Variants in FCHSD2 observed in about 807,000 individuals in gnomAD.
FCHSD2 encodes FCH and double SH3 domains 2, also known as F-BAR and double SH3 domains protein 2.
FCHSD2 carries 38 observed loss-of-function variants against 108.1 expected under a neutral mutation model. That is an observed-to-expected ratio of 0.35 (90% confidence interval 0.27 to 0.46). The LOEUF (loss-of-function observed/expected upper bound fraction) is 0.46, where lower values mean the gene tolerates loss of function less well. Ranked by LOEUF, FCHSD2 falls within the 20% of genes least tolerant of loss-of-function variation. The pLI, the probability that FCHSD2 is intolerant of heterozygous loss-of-function variation, is 1.00. For synonymous variants in FCHSD2, 279 were observed against 314.7 expected (o/e 0.89, Z 1.20); for missense variants, 751 against 897.8 (o/e 0.84, Z 2.09).
intron 3 of FCHSD2, among the ~76,000 whole-genome samples, chr11:73,022,907 T>C (rs1339521899): frequency 6.6e-6 from 1 of 152,058 alleles, no homozygotes; most frequent in Non-Finnish European, 1.5e-5. Flanking sequence ...AGTAAACTGA[T>C]TTTTCACAAA....
chr11:72,998,880 A>T (rs897179654), intron 5 of FCHSD2, among the ~76,000 whole-genome samples: 4 of 152,182 alleles, frequency 2.6e-5, no homozygotes, highest in African/African-American at 9.7e-5. Context: ...GGGAATGCCA[A>T]ATGATGCAGC....
chr11:73,018,739 A>G (rs1858029270), intron 3 of FCHSD2, among the ~76,000 whole-genome samples: 1 of 152,130 alleles, frequency 6.6e-6, no homozygotes, highest in Non-Finnish European at 1.5e-5. Context: ...AAATTTTTTA[A>G]TAACTGTATC....
At chr11:72,911,715 G>A (rs1328803946) in intron 9 of FCHSD2, among the ~76,000 whole-genome samples, 2 of 151,676 alleles carry the variant, frequency 1.3e-5, no homozygotes, top group Non-Finnish European at 2.9e-5. Flanking sequence ...TAGGGTACAT[G>A]TGCACAATGT....
intron 3 of FCHSD2, among the ~76,000 whole-genome samples, chr11:73,025,301 T>C (rs896344103): frequency 2.0e-5 from 3 of 152,198 alleles, no homozygotes; most frequent in Non-Finnish European, 2.9e-5. Context: ...TGGAGTACTA[T>C]GCAGCCACAA....
At chr11:72,941,113 T>C (rs946195701) in intron 8 of FCHSD2, 8 of 510,450 alleles carry the variant, frequency 1.6e-5, no homozygotes, top group South Asian at 2.5e-5. Flanking sequence ...TTACCACTAA[T>C]ATAAGTAAAG....
chr11:72,898,166 T>C (rs895013769), intron 10 of FCHSD2, among the ~76,000 whole-genome samples: 9 of 152,230 alleles, frequency 5.9e-5, no homozygotes, highest in South Asian at 2.1e-4. Flanking sequence ...ACTGTGACTA[T>C]ACATATTCAA....
In FCHSD2 at chr11:72,837,849, G is replaced by C. The variant is rs979782010; in HGVS notation, c.*942C>G. The C allele has an allele frequency of 2.0e-5, 3 of 152,226 alleles. No individual in the cohort carries two copies. Among genetic ancestry groups the C allele is most frequent in the African/African-American group, 7.2e-5 (3 of 41,444 alleles). 9.4% of individuals were successfully genotyped at this position (152,226 alleles called of 1,614,324 possible). On this transcript the variant is annotated 3_prime_UTR_variant, in exon 20 of 20. Coordinates refer to ENST00000409418, the MANE Select transcript of FCHSD2 (RefSeq NM_014824.3). ...CCTGGCTGTCTGGGCCGGTCTGCTGGCTTGGGAATAAAATAATGCCGGGGC... is the reference window on the plus strand; with the variant it reads ...CCTGGCTGTCTGGGCCGGTCTGCTGCCTTGGGAATAAAATAATGCCGGGGC...
chr11:73,068,361 T>C (rs932202004), intron 3 of FCHSD2, among the ~76,000 whole-genome samples: 1 of 10,734 alleles, frequency 9.3e-5, no homozygotes, highest in Non-Finnish European at 2.0e-4. Flanking sequence ...AGGGTGGGGT[T>C]GGGGGGGCGG....
At chr11:72,918,802 T>C (rs1363230946) in intron 9 of FCHSD2, among the ~76,000 whole-genome samples, 1 of 152,178 alleles carries the variant, frequency 6.6e-6, no homozygotes, top group Non-Finnish European at 1.5e-5. Flanking sequence ...TGGAAGGCAT[T>C]TCCTTATGGA....
rs146555109 is a variant in FCHSD2 at position 73,042,070 on chromosome 11, G to A, written c.166-26185C>T. On this transcript the variant is annotated intron_variant, in intron 3 of 19. Transcript: ENST00000409418. ...ACCTCCCAAGTAGCTGGGATTACAG[G>A]TGCCCACCATCACACCCAGCTAATT... Among the ~76,000 whole-genome samples, 466 of 152,208 alleles carry A rather than the reference G, an allele frequency of 3.1e-3. 1 individual carries two copies. Among genetic ancestry groups the A allele is most frequent in the African/African-American group, 0.011 (446 of 41,522 alleles).
At chr11:72,966,168 T>C (rs74999880) in intron 8 of FCHSD2, among the ~76,000 whole-genome samples, 1 of 126,190 alleles carries the variant, frequency 7.9e-6, no homozygotes, top group African/African-American at 3.2e-5. Context: ...GAACTGAGCC[T>C]TTTTTTTTTT....
chr11:72,897,182 T>C (rs1855439052), intron 10 of FCHSD2, among the ~76,000 whole-genome samples: 1 of 152,194 alleles, frequency 6.6e-6, no homozygotes, highest in Non-Finnish European at 1.5e-5. Flanking sequence ...TCTGACTCAA[T>C]GTGCCAGGCA....
At chr11:72,910,347 GA>G (rs1855736767) in intron 9 of FCHSD2, among the ~76,000 whole-genome samples, 1 of 152,256 alleles carries the variant, frequency 6.6e-6, no homozygotes, top group Non-Finnish European at 1.5e-5. Context: ...CGACCATCGA[GA>G]ACGGGCCATG....
At chr11:72,988,838 T>C (rs1012629432) in intron 6 of FCHSD2, 126 bp downstream of exon 6, 2 of 664,986 alleles carry the variant, frequency 3.0e-6, no homozygotes, top group Admixed American at 3.2e-5. Context: ...ATATAACACA[T>C]GTAGGTCAAA....
At chr11:73,065,020 A>G (rs539360588) in intron 3 of FCHSD2, among the ~76,000 whole-genome samples, 1 of 152,340 alleles carries the variant, frequency 6.6e-6, no homozygotes, top group South Asian at 2.1e-4. Context: ...GGCCAGCATC[A>G]TCCTGATACC....
chr11:73,062,457 T>C (rs933528420), intron 3 of FCHSD2, among the ~76,000 whole-genome samples: 10 of 152,020 alleles, frequency 6.6e-5, no homozygotes, highest in Admixed American at 2.0e-4. Flanking sequence ...TTGACAGAAA[T>C]AGGCTTCAGA....
intron 3 of FCHSD2, among the ~76,000 whole-genome samples, chr11:73,067,328 T>C (rs1859319934): frequency 1.3e-5 from 2 of 151,774 alleles, no homozygotes; most frequent in South Asian, 2.1e-4. Flanking sequence ...CCAGGGCCTG[T>C]TGGGGGTTGG....
At chr11:72,866,468 C>T (rs1159180133) in intron 13 of FCHSD2, among the ~76,000 whole-genome samples, 17 of 152,064 alleles carry the variant, frequency 1.1e-4, no homozygotes, top group Admixed American at 1.1e-3. Flanking sequence ...CAGCGTTTCA[C>T]CATGTTGGCC....
intron 3 of FCHSD2, among the ~76,000 whole-genome samples, chr11:73,075,674 G>C (rs917834368): frequency 3.8e-4 from 57 of 151,918 alleles, no homozygotes; most frequent in African/African-American, 1.3e-3. Context: ...AATTAGCTGG[G>C]AGTGGTGGTG....
Sources: gnomAD v4.1 joint callset for allele counts (sites outside exome capture counted in the v4.1 genomes callset) on GRCh38, gnomAD v4.1.1 for gene constraint, MANE v1.5 for transcripts, NCBI Gene and HGNC (gene_info 2026-07-23, HGNC 2026-07-21) for gene names.